NCOA3: variants seen among roughly 807,000 people sequenced by gnomAD.
NCOA3 encodes the protein nuclear receptor coactivator 3.
NCOA3 carries 51 observed loss-of-function variants against 158.8 expected under a neutral mutation model. That is an observed-to-expected ratio of 0.32 (90% CI 0.26 to 0.41). The LOEUF (loss-of-function observed/expected upper bound fraction) is 0.41. Among genes scored for constraint, NCOA3 ranks in the 10% least tolerant of loss-of-function variants. The pLI, the probability that NCOA3 is intolerant of heterozygous loss-of-function variation, is 1.00. For synonymous variants in NCOA3, 537 were observed against 592.4 expected (o/e 0.91, Z 1.36); for missense variants, 1,510 against 1,746.6 (o/e 0.86, Z 2.41).
intron 1 of NCOA3, among the ~76,000 whole-genome samples, chr20:47,556,913 A>G (rs1429724474): frequency 6.6e-6 from 1 of 152,252 alleles, no homozygotes; most frequent in East Asian, 1.9e-4. Context: ...CCGTGCATAT[A>G]TAAACACACA....
At chr20:47,626,647 A>C (rs2086327126) in intron 5 of NCOA3, among the ~76,000 whole-genome samples, 1 of 152,204 alleles carries the variant, frequency 6.6e-6, no homozygotes, top group Admixed American at 6.5e-5. Flanking sequence ...TACCATAACA[A>C]AATACCACAG....
intron 2 of NCOA3, among the ~76,000 whole-genome samples, chr20:47,592,830 A>C (rs1238627874): frequency 6.6e-6 from 1 of 152,258 alleles, no homozygotes; most frequent in African/African-American, 2.4e-5. Context: ...TGAAGAATTT[A>C]AGTATCCTGA....
intron 2 of NCOA3, among the ~76,000 whole-genome samples, chr20:47,613,548 A>C (rs1299939936): frequency 6.6e-6 from 1 of 152,100 alleles, no homozygotes; most frequent in Non-Finnish European, 1.5e-5. Context: ...CATAATAGCA[A>C]ATTATCAGCC....
intron 1 of NCOA3, among the ~76,000 whole-genome samples, chr20:47,569,239 C>T (rs765204927): frequency 1.7e-4 from 26 of 149,394 alleles, no homozygotes; most frequent in Non-Finnish European, 3.3e-4. Flanking sequence ...CCCAGCTACT[C>T]GGGAGGCTGA....
intron 1 of NCOA3, among the ~76,000 whole-genome samples, chr20:47,520,176 A>G (rs1353681341): frequency 6.6e-6 from 1 of 151,702 alleles, no homozygotes; most frequent in African/African-American, 2.4e-5. Context: ...GGAGTGTTAC[A>G]GGGTCACAGA....
chr20:47,575,481 A>G (rs1174785995), intron 1 of NCOA3, among the ~76,000 whole-genome samples: 3 of 152,222 alleles, frequency 2.0e-5, no homozygotes, highest in African/African-American at 7.2e-5. Context: ...AGAAAAAACT[A>G]TCAGCATCGA....
chr20:47,537,951 C>T (rs1281786000), intron 1 of NCOA3, among the ~76,000 whole-genome samples: 1 of 152,002 alleles, frequency 6.6e-6, no homozygotes, highest in Admixed American at 6.6e-5. Context: ...TCAATCTTGG[C>T]TTACTGCAAC....
At chr20:47,554,533 A>T (rs946624111) in intron 1 of NCOA3, among the ~76,000 whole-genome samples, 1 of 140,288 alleles carries the variant, frequency 7.1e-6, no homozygotes, top group African/African-American at 2.8e-5. Context: ...ATCAATGTGC[A>T]AAAATCACAA....
intron 1 of NCOA3, among the ~76,000 whole-genome samples, chr20:47,543,952 AT>A (rs943228211): frequency 1.6e-4 from 24 of 151,982 alleles, no homozygotes; most frequent in African/African-American, 5.1e-4. Context: ...GGTAAAAAAC[AT>A]TTTTTTTCTC....
At chr20:47,505,003 G>GTTTTTTTTTTTT (rs1166777115) in intron 1 of NCOA3, among the ~76,000 whole-genome samples, 1,150 of 28,508 alleles carry the variant, frequency 0.04, 383 homozygotes, top group East Asian at 0.13. Flanking sequence ...TGGGTTTTTG[G>GTTTTTTTTTTTT]TTTTTTTTTT....
intron 2 of NCOA3, among the ~76,000 whole-genome samples, chr20:47,593,334 ATTTT>A (rs71183267): frequency 7.8e-5 from 5 of 63,722 alleles, no homozygotes; most frequent in Admixed American, 2.3e-4. Context: ...GAGTTGATGG[ATTTT>A]TTTTTTTTTT....
intron 2 of NCOA3, among the ~76,000 whole-genome samples, chr20:47,611,652 T>C (rs1275834258): frequency 6.6e-6 from 1 of 151,844 alleles, no homozygotes; most frequent in East Asian, 1.9e-4. Flanking sequence ...ATGAGGTGGG[T>C]ATGGTGGCAG....
intron 2 of NCOA3, among the ~76,000 whole-genome samples, chr20:47,603,104 G>GT (rs2085888948): frequency 6.6e-6 from 1 of 152,128 alleles, no homozygotes; most frequent in Non-Finnish European, 1.5e-5. Flanking sequence ...TATCAGAGAG[G>GT]TTTTTAGAAA....
intron 1 of NCOA3, among the ~76,000 whole-genome samples, chr20:47,512,591 A>G (rs1405452539): frequency 6.7e-6 from 1 of 150,122 alleles, no homozygotes; most frequent in Non-Finnish European, 1.5e-5. Flanking sequence ...AAAAAAAAAC[A>G]CAAAAGATAT....
At chr20:47,503,809 C>T (rs2083981554) in intron 1 of NCOA3, among the ~76,000 whole-genome samples, 1 of 152,080 alleles carries the variant, frequency 6.6e-6, no homozygotes, top group Non-Finnish European at 1.5e-5. Context: ...ATATTGAACA[C>T]TATAGCTCCT....
intron 1 of NCOA3, among the ~76,000 whole-genome samples, chr20:47,505,841 G>C (rs1320012144): frequency 1.7e-5 from 2 of 118,814 alleles, no homozygotes; most frequent in Non-Finnish European, 3.2e-5. Context: ...TCACTCTGTT[G>C]CTCAGGCTGG....
intron 3 of NCOA3, among the ~76,000 whole-genome samples, chr20:47,623,410 T>C (rs575209894): frequency 6.6e-6 from 1 of 152,360 alleles, no homozygotes; most frequent in South Asian, 2.1e-4. Flanking sequence ...AATTTAGGTT[T>C]ACATGAATCT....
chr20:47,645,441 G>A (rs427967), intron 17 of NCOA3, among the ~76,000 whole-genome samples: 29,474 of 151,904 alleles, frequency 0.19, 3,138 homozygotes, highest in Middle Eastern at 0.28. Flanking sequence ...TTTCCTCTGT[G>A]GGCACATAAG....
At chr20:47,593,334 A>ATTT (rs71183267) in intron 2 of NCOA3, among the ~76,000 whole-genome samples, 836 of 63,744 alleles carry the variant, frequency 0.013, 188 homozygotes, top group African/African-American at 0.044. Context: ...GAGTTGATGG[A>ATTT]TTTTTTTTTT....
Sources: allele counts gnomAD v4.1 joint callset (sites outside exome capture counted in the v4.1 genomes callset), GRCh38; gene constraint gnomAD v4.1.1; transcripts MANE v1.5; gene names NCBI Gene and HGNC (gene_info 2026-07-23, HGNC 2026-07-21).